Variants in SORCS2 observed in about 807,000 individuals in gnomAD.
SORCS2 encodes VPS10 domain-containing receptor SorCS2.
In SORCS2, 100 loss-of-function variants were observed where a neutral mutation model predicts 141.6. That is an observed-to-expected ratio of 0.71 (90% confidence interval 0.60 to 0.83). The LOEUF is 0.83. Among genes scored for constraint, SORCS2 ranks in the 40% least tolerant of loss-of-function variants. The pLI is 0.00. For missense variants in SORCS2, 1,646 were observed against 1,560.2 expected (o/e 1.05, Z -0.93); for synonymous variants, 789 against 676.9 (o/e 1.17, Z -2.57).
intron 2 of SORCS2, among the ~76,000 whole-genome samples, chr4:7,456,479 A>G (rs565396736): frequency 0.021 from 3,077 of 148,872 alleles, 41 homozygotes; most frequent in Middle Eastern, 0.066. Context: ...GAAGGGTGAG[A>G]GGGGGGGGGC....
chr4:7,604,992 C>T (rs1410139431), intron 3 of SORCS2, among the ~76,000 whole-genome samples: 5 of 152,104 alleles, frequency 3.3e-5, no homozygotes, highest in African/African-American at 7.2e-5. Flanking sequence ...ATTTCAGCCA[C>T]GAATAATGTA....
intron 2 of SORCS2, among the ~76,000 whole-genome samples, chr4:7,400,503 G>T (rs1724507303): frequency 6.6e-6 from 1 of 152,058 alleles, no homozygotes; most frequent in South Asian, 2.1e-4. Flanking sequence ...AACATAGGCT[G>T]GTTGAGGATG....
At chr4:7,517,811 C>T (rs995372457) in intron 2 of SORCS2, among the ~76,000 whole-genome samples, 3 of 152,156 alleles carry the variant, frequency 2.0e-5, no homozygotes, top group Admixed American at 6.5e-5. Flanking sequence ...ATGTTGTTCA[C>T]GAAGGGCACC....
intron 3 of SORCS2, among the ~76,000 whole-genome samples, chr4:7,533,776 C>A (rs1483847151): frequency 6.6e-6 from 1 of 151,486 alleles, no homozygotes; most frequent in African/African-American, 2.4e-5. Context: ...ATGCAGCAAC[C>A]TGGGGACATG....
At chr4:7,296,909 G>T (rs1345700519) in intron 1 of SORCS2, among the ~76,000 whole-genome samples, 1 of 152,186 alleles carries the variant, frequency 6.6e-6, no homozygotes, top group Non-Finnish European at 1.5e-5. Context: ...TCTGGCCAAG[G>T]TCCGCGTGCC....
chr4:7,566,203 ATGG>A (rs900346719), intron 3 of SORCS2, among the ~76,000 whole-genome samples: 11 of 151,468 alleles, frequency 7.3e-5, no homozygotes, highest in African/African-American at 2.7e-4. Context: ...GGTGATGGTG[ATGG>A]TGGTGATGAT....
chr4:7,386,065 G>A (rs2109080734), intron 1 of SORCS2, among the ~76,000 whole-genome samples: 2 of 151,852 alleles, frequency 1.3e-5, no homozygotes, highest in South Asian at 4.2e-4. Flanking sequence ...TGGCTCTGTT[G>A]CCTGCGCATA....
chr4:7,410,949 CTTTTTTTTTT>C (rs5855962), intron 2 of SORCS2, among the ~76,000 whole-genome samples: 11 of 73,850 alleles, frequency 1.5e-4, no homozygotes, highest in Non-Finnish European at 1.9e-4. Context: ...TCTCTCCATC[CTTTTTTTTTT>C]TTTTTTTTTT....
intron 3 of SORCS2, among the ~76,000 whole-genome samples, chr4:7,547,728 G>T (rs368276627): frequency 5.3e-5 from 8 of 152,188 alleles, no homozygotes; most frequent in African/African-American, 1.9e-4. Flanking sequence ...GCACAGACCA[G>T]TTTGCCGTGA....
chr4:7,667,756 A>C (rs1722585760), intron 8 of SORCS2, among the ~76,000 whole-genome samples: 1 of 152,224 alleles, frequency 6.6e-6, no homozygotes, highest in South Asian at 2.1e-4. Flanking sequence ...TAGAAGGCGA[A>C]GAAGGGGGAC....
chr4:7,715,081 C>T (rs565231692), intron 16 of SORCS2, 102 bp from the exon 17 acceptor site: 7 of 1,512,608 alleles, frequency 4.6e-6, no homozygotes, highest in African/African-American at 4.1e-5. Flanking sequence ...AGGCCCTTGA[C>T]ATGAGGTTCC....
rs543936182 is a variant in SORCS2, at chr4:7,615,771, A to T, written c.649-22557A>T. ...TCCCTCTTCACGGTGCTCATCACTT[A>T]ACAGTAGACAGCAAGGAGCCTCTGC... On this transcript the variant is annotated intron_variant, in intron 3 of 26. Coordinates refer to ENST00000507866, the MANE Select transcript of SORCS2 (RefSeq NM_020777.3). Among the ~76,000 whole-genome samples the T allele has an allele frequency of 5.6e-3, 442 of 78,882 alleles. 2 individuals carry two copies. Among genetic ancestry groups the T allele is most frequent in the African/African-American group, 0.025 (424 of 17,014 alleles). 51.7% of individuals were successfully genotyped at this position (78,882 alleles called of 152,430 possible).
At chr4:7,209,543 C>T (rs1303384308) in intron 1 of SORCS2, among the ~76,000 whole-genome samples, 1 of 152,220 alleles carries the variant, frequency 6.6e-6, no homozygotes, top group East Asian at 1.9e-4. Context: ...CTCCATGGTG[C>T]TGAAGCCTAT....
intron 2 of SORCS2, among the ~76,000 whole-genome samples, chr4:7,428,662 G>A (rs932222272): frequency 5.9e-5 from 9 of 152,206 alleles, no homozygotes; most frequent in Non-Finnish European, 8.8e-5. Context: ...AGGCCCTGGG[G>A]TGGGCCTGGG....
At chr4:7,502,786 G>C (rs7677310) in intron 2 of SORCS2, among the ~76,000 whole-genome samples, 1 of 105,820 alleles carries the variant, frequency 9.5e-6, no homozygotes, top group African/African-American at 2.5e-5. Context: ...TGTGCGGGGA[G>C]CAGGGAAGCC....
intron 3 of SORCS2, among the ~76,000 whole-genome samples, chr4:7,628,110 G>A (rs1290062892): frequency 1.3e-5 from 2 of 152,206 alleles, no homozygotes; most frequent in Admixed American, 1.3e-4. Flanking sequence ...AAGGGAGGCG[G>A]GGGTGTGTGG....
At chr4:7,263,081 A>G (rs370501904) in intron 1 of SORCS2, among the ~76,000 whole-genome samples, 1 of 152,296 alleles carries the variant, frequency 6.6e-6, no homozygotes, top group South Asian at 2.1e-4. Flanking sequence ...GAGACCTGCG[A>G]TTAAATCTGG....
At chr4:7,369,782 G>A (rs574945169) in intron 1 of SORCS2, among the ~76,000 whole-genome samples, 6 of 152,284 alleles carry the variant, frequency 3.9e-5, no homozygotes, top group African/African-American at 1.4e-4. Flanking sequence ...GATTTCGTCA[G>A]CGCATCTTCA....
At chr4:7,640,007 G>A (rs1289047415) in intron 4 of SORCS2, among the ~76,000 whole-genome samples, 1 of 151,456 alleles carries the variant, frequency 6.6e-6, no homozygotes, top group African/African-American at 2.4e-5. Flanking sequence ...GTGTGAAAGT[G>A]CATGTCTGTG....
Sources: allele counts gnomAD v4.1 joint callset (sites outside exome capture counted in the v4.1 genomes callset), GRCh38; gene constraint gnomAD v4.1.1; transcripts MANE v1.5; gene names NCBI Gene and HGNC (gene_info 2026-07-23, HGNC 2026-07-21).